CRB1: variants seen among roughly 807,000 people sequenced by gnomAD.
The protein encoded by CRB1 is crumbs cell polarity complex component 1.
A neutral mutation model predicts 120.0 loss-of-function variants in CRB1; 83 were observed. The ratio of observed to expected loss-of-function variants is 0.69; its 90% CI spans 0.58 to 0.83. The LOEUF is 0.83. CRB1 is among the 40% of genes least tolerant of loss of function. The pLI is 0.00. For synonymous variants in CRB1, 625 were observed against 612.5 expected (o/e 1.02, Z -0.30); for missense variants, 1,699 against 1,687.6 (o/e 1.01, Z -0.12).
At position 197,336,367 on chromosome 1, in the gene CRB1, A is replaced by G. The variant is rs548496694; in HGVS notation, c.652+7364A>G. On this transcript the variant is annotated intron_variant, in intron 2 of 11. Transcript: ENST00000367400. The stretch of plus-strand genomic sequence containing the variant: ...GCATCTGTGGCAAATAATATAGATA[A>G]TTTAATGGTCATGGGAAATAATTTG... Among the ~76,000 whole-genome samples the G allele has an allele frequency of 6.6e-5, 10 of 152,246 alleles. No individual in the cohort carries two copies. In the East Asian group the frequency reaches 1.9e-3, roughly 29 times the overall value.
At chr1:197,266,858 A>G (rs946593442), upstream of CRB1, among the ~76,000 whole-genome samples, 1 of 152,036 alleles carries the variant, frequency 6.6e-6, no homozygotes, top group Non-Finnish European at 1.5e-5. Flanking sequence ...TTTCCAGTCT[A>G]TCAATCGGCC....
At chr1:197,450,717 G>C (rs1054348670) in intron 11 of CRB1, among the ~76,000 whole-genome samples, 2 of 144,868 alleles carry the variant, frequency 1.4e-5, no homozygotes, top group Non-Finnish European at 3.0e-5. Flanking sequence ...GAGGTGGGCG[G>C]ATCACGAGGT....
At chr1:197,350,386 C>CA (rs1293347497) in intron 4 of CRB1, among the ~76,000 whole-genome samples, 2 of 152,030 alleles carry the variant, frequency 1.3e-5, no homozygotes, top group Admixed American at 1.3e-4. Context: ...ATTAAGCACT[C>CA]AAAAAAGGGC....
At chr1:197,213,664 T>A in the CRB1 span, among the ~76,000 whole-genome samples, 3 of 152,182 alleles carry the variant, frequency 2.0e-5, no homozygotes, top group Non-Finnish European at 4.4e-5. Context: ...TTGAAAAGAT[T>A]GATGTTATAC....
chr1:197,252,810 T>C, the CRB1 span, among the ~76,000 whole-genome samples: 2 of 151,380 alleles, frequency 1.3e-5, no homozygotes, highest in Non-Finnish European at 2.9e-5. Context: ...CTCCGATGTC[T>C]GAGGGCAGGA....
At chr1:197,264,999 C>A (rs1276976561), upstream of CRB1, among the ~76,000 whole-genome samples, 1 of 151,970 alleles carries the variant, frequency 6.6e-6, no homozygotes, top group East Asian at 1.9e-4. Context: ...TGTTTCTTAA[C>A]AAAGTGTTAT....
chr1:197,204,159 A>G, the CRB1 span, among the ~76,000 whole-genome samples: 1 of 152,230 alleles, frequency 6.6e-6, no homozygotes, highest in Non-Finnish European at 1.5e-5. Flanking sequence ...CATAATATAT[A>G]TGTATACTAC....
intron 9 of CRB1, 30 bp downstream of exon 9, chr1:197,435,642 C>A: frequency 1.3e-6 from 2 of 1,578,108 alleles, no homozygotes; most frequent in South Asian, 1.1e-5. Context: ...GAAGCTTGGT[C>A]TTTGAAGCTA....
chr1:197,401,455 A>G (rs1258991705), intron 5 of CRB1, among the ~76,000 whole-genome samples: 1 of 152,180 alleles, frequency 6.6e-6, no homozygotes, highest in African/African-American at 2.4e-5. Flanking sequence ...CTTTTCCATG[A>G]TAGCATGGTC....
At chr1:197,369,716 C>T (rs1661271740) in intron 5 of CRB1, among the ~76,000 whole-genome samples, 1 of 152,116 alleles carries the variant, frequency 6.6e-6, no homozygotes, top group African/African-American at 2.4e-5. Flanking sequence ...GGTCTTTATC[C>T]CAGAATGCTC....
At chr1:197,394,636 TTTTAA>T (rs1336643384) in intron 5 of CRB1, among the ~76,000 whole-genome samples, 1 of 152,000 alleles carries the variant, frequency 6.6e-6, no homozygotes, top group East Asian at 1.9e-4. Context: ...AATTATATAA[TTTTAA>T]TTTATTTCTT....
intron 1 of CRB1, among the ~76,000 whole-genome samples, chr1:197,309,795 A>AATAT (rs1321412310): frequency 6.7e-6 from 1 of 149,838 alleles, no homozygotes; most frequent in Non-Finnish European, 1.5e-5. Flanking sequence ...TAAATAAATA[A>AATAT]ATTTACTTAT....
chr1:197,321,670 G>C (rs1658203663), intron 1 of CRB1, among the ~76,000 whole-genome samples: 1 of 152,290 alleles, frequency 6.6e-6, no homozygotes, highest in East Asian at 1.9e-4. Flanking sequence ...TAAAGAGTTT[G>C]TTTGCTAATT....
chr1:197,264,616 T>C (rs980132945), upstream of CRB1, among the ~76,000 whole-genome samples: 28 of 149,684 alleles, frequency 1.9e-4, no homozygotes, highest in East Asian at 5.8e-4. Flanking sequence ...CATTCTTCTT[T>C]TTTTTTTTTT....
At chr1:197,349,769 G>A (rs1659983067) in intron 4 of CRB1, among the ~76,000 whole-genome samples, 1 of 152,192 alleles carries the variant, frequency 6.6e-6, no homozygotes, top group South Asian at 2.1e-4. Context: ...TAATAAATGA[G>A]GAATATTTGC....
chr1:197,446,439 C>T (rs879221901), intron 11 of CRB1, among the ~76,000 whole-genome samples: 1 of 152,092 alleles, frequency 6.6e-6, no homozygotes, highest in Admixed American at 6.5e-5. Context: ...ACAGGGATAT[C>T]ACAGGGTGGC....
chr1:197,404,441 C>CAAAAAAAAAAAAA (rs558125777), intron 5 of CRB1, among the ~76,000 whole-genome samples: 1 of 58,718 alleles, frequency 1.7e-5, no homozygotes, highest in African/African-American at 5.9e-5. Context: ...GACTCCGTCT[C>CAAAAAAAAAAAAA]AAAAAAAAAA....
intron 5 of CRB1, among the ~76,000 whole-genome samples, chr1:197,363,180 G>A (rs143030633): frequency 1.3e-3 from 201 of 150,926 alleles, no homozygotes; most frequent in African/African-American, 4.7e-3. Flanking sequence ...CTTGTTTTGA[G>A]GATCAGATGG....
At chr1:197,398,015 C>A (rs1571469829) in intron 5 of CRB1, among the ~76,000 whole-genome samples, 1 of 152,176 alleles carries the variant, frequency 6.6e-6, no homozygotes, top group East Asian at 1.9e-4. Flanking sequence ...CCATCCTAAC[C>A]CCAGTTTCTC....
Sources: gnomAD v4.1 joint callset for allele counts (sites outside exome capture counted in the v4.1 genomes callset) on GRCh38, gnomAD v4.1.1 for gene constraint, MANE v1.5 for transcripts, NCBI Gene and HGNC (gene_info 2026-07-23, HGNC 2026-07-21) for gene names.